The following TMEM178A variants were observed in gnomAD, a reference collection of about 807,000 sequenced individuals.
TMEM178A encodes the protein transmembrane protein 178A.
A neutral mutation model predicts 29.1 loss-of-function variants in TMEM178A; 12 were observed. The observed-to-expected ratio is 0.41, with a 90% CI of 0.26 to 0.67. The LOEUF is 0.67. TMEM178A is among the 30% of genes least tolerant of loss of function. The pLI, the probability that TMEM178A is intolerant of heterozygous loss-of-function variation, is 0.29. For synonymous variants in TMEM178A, 210 were observed against 187.2 expected, an observed-to-expected ratio of 1.12 and a Z score of -0.99; for missense variants, 366 against 419.1, an observed-to-expected ratio of 0.87 and a Z score of 1.11.
intron 3 of TMEM178A, among the ~76,000 whole-genome samples, chr2:39,713,464 A>G (rs6753149): frequency 0.017 from 2,619 of 152,298 alleles, 68 homozygotes; most frequent in African/African-American, 0.059. Flanking sequence ...AGTATTTGGA[A>G]ATAGGGTCTT....
At chr2:39,689,982 T>A (rs1671243939) in intron 1 of TMEM178A, among the ~76,000 whole-genome samples, 4 of 152,192 alleles carry the variant, frequency 2.6e-5, no homozygotes, top group Admixed American at 2.6e-4. Context: ...CTGTGATTTT[T>A]CCAGTGGGGT....
Position 39,700,662 on chromosome 2 carries a change from A to G in TMEM178A, c.401-3419A>G, listed in dbSNP as rs193069538. 3.3e-3 allele frequency among the ~76,000 whole-genome samples: 498 copies of G among 151,926 alleles called. 1 individual carries two copies. Among genetic ancestry groups the G allele is most frequent in the Admixed American group, 5.3e-3 (81 of 15,274 alleles). On this transcript the variant is annotated intron_variant, in intron 1 of 3. Transcript: ENST00000281961. ...TTATTGGAGTATATATTTATATTTA[A>G]TATAATTTTTGGTAGGGTAGGATTT...
chr2:39,731,609 C>CCGA, the TMEM178A span, among the ~76,000 whole-genome samples: 1 of 152,178 alleles, frequency 6.6e-6, no homozygotes, highest in African/African-American at 2.4e-5. Context: ...GGGATATCTA[C>CCGA]CGACATGACC....
chr2:39,705,896 C>A (rs1672010097), intron 2 of TMEM178A, among the ~76,000 whole-genome samples: 1 of 152,052 alleles, frequency 6.6e-6, no homozygotes, highest in African/African-American at 2.4e-5. Flanking sequence ...TGTTACCTGG[C>A]CTTGGGGGCA....
intron 2 of TMEM178A, 105 bp downstream of exon 2, chr2:39,704,299 G>T (rs1671932104): frequency 2.2e-6 from 2 of 921,690 alleles, no homozygotes; most frequent in Admixed American, 2.2e-5. Flanking sequence ...CTTATCCTCT[G>T]TGAGCCTCTG....
rs1249080871 is a variant in TMEM178A at position 39,666,079 on chromosome 2, C to T, written c.105C>T (p.Asp35=). 5 of 1,568,774 alleles carry T rather than the reference C, an allele frequency of 3.2e-6. No individual in the cohort carries two copies. In the East Asian group the frequency reaches 7.7e-5, roughly 24 times the overall value. ...TCACCGACCACTGGTACGAGACCGACCCCCGGCGCCACAAGGAGAGCTGCG... is the reference window on the plus strand; with the variant it reads ...TCACCGACCACTGGTACGAGACCGATCCCCGGCGCCACAAGGAGAGCTGCG... ...AIFTDHWYET[D]PRRHKESCER... is the part of the protein sequence containing the mutation. The change falls in exon 1 of 4, where the codon GAC becomes GAT. Residue 35 remains aspartate, a synonymous_variant. Transcript: ENST00000281961.
chr2:39,682,215 G>C (rs1670897582), intron 1 of TMEM178A, among the ~76,000 whole-genome samples: 1 of 152,114 alleles, frequency 6.6e-6, no homozygotes, highest in Admixed American at 6.5e-5. Flanking sequence ...TTCATTCAGT[G>C]CATTATGCAC....
At chr2:39,726,137 C>G in the TMEM178A span, among the ~76,000 whole-genome samples, 1 of 152,130 alleles carries the variant, frequency 6.6e-6, no homozygotes, top group East Asian at 1.9e-4. Context: ...GTGTCTGTCT[C>G]AGAGAGACAG....
intron 1 of TMEM178A, among the ~76,000 whole-genome samples, chr2:39,702,371 T>C (rs1355778050): frequency 6.6e-6 from 1 of 152,102 alleles, no homozygotes; most frequent in African/African-American, 2.4e-5. Flanking sequence ...TCTTTGCCAG[T>C]GGGGTTTGTT....
chr2:39,670,878 T>C (rs909813517), intron 1 of TMEM178A, among the ~76,000 whole-genome samples: 2 of 152,228 alleles, frequency 1.3e-5, no homozygotes, highest in African/African-American at 4.8e-5. Flanking sequence ...ACAATTAACA[T>C]TATTTTCTAT....
At chr2:39,729,363 C>T in the TMEM178A span, among the ~76,000 whole-genome samples, 6 of 152,180 alleles carry the variant, frequency 3.9e-5, no homozygotes, top group Non-Finnish European at 7.3e-5. Flanking sequence ...ACATCTGAAT[C>T]CAATTATCAT....
At chr2:39,713,519 C>A (rs560164803) in intron 3 of TMEM178A, among the ~76,000 whole-genome samples, 1 of 152,176 alleles carries the variant, frequency 6.6e-6, no homozygotes, top group South Asian at 2.1e-4. Flanking sequence ...CTAAATATGA[C>A]TGGTGTCCTT....
chr2:39,703,395 A>G (rs1671880340), intron 1 of TMEM178A, among the ~76,000 whole-genome samples: 7 of 152,206 alleles, frequency 4.6e-5, no homozygotes, highest in Admixed American at 4.6e-4. Flanking sequence ...TGGAGAGTGT[A>G]CTAGATGAAT....
At chr2:39,681,262 A>G (rs183771007) in intron 1 of TMEM178A, among the ~76,000 whole-genome samples, 146 of 152,294 alleles carry the variant, frequency 9.6e-4, no homozygotes, top group Non-Finnish European at 1.7e-3. Flanking sequence ...CACACAAAGC[A>G]GACATTAGGT....
intron 1 of TMEM178A, among the ~76,000 whole-genome samples, chr2:39,702,992 A>T (rs1671859678): frequency 6.6e-6 from 1 of 152,198 alleles, no homozygotes; most frequent in Non-Finnish European, 1.5e-5. Context: ...GTACATTCAC[A>T]GGAGGGACTG....
intron 1 of TMEM178A, among the ~76,000 whole-genome samples, chr2:39,698,167 T>G (rs1572678263): frequency 6.6e-6 from 1 of 152,234 alleles, no homozygotes; most frequent in Non-Finnish European, 1.5e-5. Flanking sequence ...AAGATGCATG[T>G]CTAGAAAACT....
At chr2:39,709,442 A>G (rs1218665319) in intron 3 of TMEM178A, among the ~76,000 whole-genome samples, 2 of 152,266 alleles carry the variant, frequency 1.3e-5, no homozygotes, top group African/African-American at 4.8e-5. Flanking sequence ...CCAGGACTGT[A>G]GCACAGGGAG....
At chr2:39,690,742 A>G (rs566162350) in intron 1 of TMEM178A, among the ~76,000 whole-genome samples, 74 of 152,380 alleles carry the variant, frequency 4.9e-4, no homozygotes, top group African/African-American at 1.8e-3. Context: ...AGCTGGCCCC[A>G]AAGAGGTGAA....
At position 39,698,518 on chromosome 2, in the gene TMEM178A, A is replaced by G. The variant is rs565052446; in HGVS notation, c.401-5563A>G. 4.6e-5 allele frequency among the ~76,000 whole-genome samples: 7 copies of G among 152,326 alleles called. No individual in the cohort carries two copies. In the East Asian group the frequency reaches 1.3e-3, roughly 29 times the overall value. On this transcript the variant is annotated intron_variant, in intron 1 of 3. Coordinates refer to ENST00000281961, the MANE Select transcript of TMEM178A (RefSeq NM_152390.3). Reference sequence around the variant, plus strand: ...TTCCTGAGATAAATCTCACTGGGTCATGGTGTACAACTCTTTTCAGATGTT... The same window carrying G: ...TTCCTGAGATAAATCTCACTGGGTCGTGGTGTACAACTCTTTTCAGATGTT...
Sources: allele counts gnomAD v4.1 joint callset (sites outside exome capture counted in the v4.1 genomes callset), GRCh38; gene constraint gnomAD v4.1.1; transcripts MANE v1.5; gene names NCBI Gene and HGNC (gene_info 2026-07-23, HGNC 2026-07-21).